The following ARHGEF7 variants were observed in gnomAD, a reference collection of about 807,000 sequenced individuals.
ARHGEF7 encodes the protein Rho guanine nucleotide exchange factor 7, also known as PAK-interacting exchange factor beta.
Under a neutral mutation model 109.8 loss-of-function variants are expected in ARHGEF7, and 33 were observed. That is an observed-to-expected ratio of 0.30 (90% confidence interval 0.23 to 0.40). ARHGEF7 has a LOEUF of 0.40. Among genes scored for constraint, ARHGEF7 ranks in the 10% least tolerant of loss-of-function variants. The pLI, the probability that ARHGEF7 is intolerant of heterozygous loss-of-function variation, is 1.00. For synonymous variants in ARHGEF7, 458 were observed against 424.6 expected (o/e 1.08, Z -0.97); for missense variants, 938 against 1,098.5 (o/e 0.85, Z 2.07).
At chr13:111,167,340 A>AAC (rs2077209474) in intron 2 of ARHGEF7, among the ~76,000 whole-genome samples, 1 of 152,166 alleles carries the variant, frequency 6.6e-6, no homozygotes, top group Admixed American at 6.5e-5. Flanking sequence ...TTAAAAGATA[A>AAC]ACAATACTTA....
At chr13:111,146,739 G>A (rs530466448) in intron 1 of ARHGEF7, among the ~76,000 whole-genome samples, 1 of 152,270 alleles carries the variant, frequency 6.6e-6, no homozygotes, top group South Asian at 2.1e-4. Flanking sequence ...TCTCTGCTTT[G>A]GTTGAGGGTG....
chr13:111,251,780 A>G (rs2089807023), intron 8 of ARHGEF7, among the ~76,000 whole-genome samples: 1 of 152,160 alleles, frequency 6.6e-6, no homozygotes, highest in Admixed American at 6.5e-5. Context: ...CTACTTTCAC[A>G]TACACTCATG....
At chr13:111,133,160 T>A (rs564723421) in intron 1 of ARHGEF7, among the ~76,000 whole-genome samples, 1 of 152,118 alleles carries the variant, frequency 6.6e-6, no homozygotes, top group Admixed American at 6.5e-5. Flanking sequence ...CACGTGTATA[T>A]ATGTGTATAT....
At chr13:111,160,328 A>G (rs1306728057) in intron 2 of ARHGEF7, among the ~76,000 whole-genome samples, 2 of 146,362 alleles carry the variant, frequency 1.4e-5, no homozygotes, top group Non-Finnish European at 3.0e-5. Flanking sequence ...TGCTTTAGTT[A>G]TTGGGGTTTT....
At chr13:111,130,864 G>A (rs2074709652) in intron 1 of ARHGEF7, among the ~76,000 whole-genome samples, 1 of 152,152 alleles carries the variant, frequency 6.6e-6, no homozygotes, top group South Asian at 2.1e-4. Flanking sequence ...GTAAGAGGAG[G>A]GGCATGCACC....
rs1322723415 is a variant in ARHGEF7, at chr13:111,243,946, G to A, written c.834G>A (p.Arg278=). The change falls in exon 7 of 22, where the codon CGG becomes CGA. Residue 278 remains arginine (R), a synonymous_variant. Transcript: ENST00000646102. The part of the protein sequence containing the change: ...ELQTVLSTYL[R]PLQTSEKLSS... The stretch of plus-strand genomic sequence containing the variant: ...AGACTGTGCTTTCAACGTACCTACG[G>A]CCATTGCAGACCAGTGAGAAGTAAG... 6.2e-7 allele frequency: 1 copy of A among 1,612,780 alleles called. No individual in the cohort carries two copies. The highest frequency in any genetic ancestry group is 8.5e-7 in the Non-Finnish European group (1 of 1,178,996).
intron 1 of ARHGEF7, among the ~76,000 whole-genome samples, chr13:111,130,991 G>A (rs1314282707): frequency 1.3e-5 from 2 of 152,254 alleles, no homozygotes; most frequent in Non-Finnish European, 2.9e-5. Context: ...GAGACAGGCA[G>A]AGCCAGGCAG....
intron 19 of ARHGEF7, chr13:111,294,355 A>T: frequency 1.0e-6 from 1 of 985,454 alleles, no homozygotes. Flanking sequence ...TGCCTGTGTC[A>T]TGGGCTGTGT....
intron 2 of ARHGEF7, 56 bp downstream of exon 2, chr13:111,154,047 G>A: frequency 6.6e-7 from 1 of 1,511,542 alleles, no homozygotes; most frequent in Non-Finnish European, 8.8e-7. Context: ...GGTTGGGCCC[G>A]GGGTGGGTGC....
At chr13:111,187,591 A>G (rs2079399250) in intron 2 of ARHGEF7, among the ~76,000 whole-genome samples, 2 of 152,224 alleles carry the variant, frequency 1.3e-5, no homozygotes, top group African/African-American at 2.4e-5. Context: ...GTATTTTCAT[A>G]ATGTACATTG....
chr13:111,293,255 C>G (rs983358486), intron 19 of ARHGEF7: 67 of 985,258 alleles, frequency 6.8e-5, no homozygotes, highest in Non-Finnish European at 7.6e-5. Flanking sequence ...CCCGGCTCCC[C>G]ACCCCTGACA....
intron 8 of ARHGEF7, among the ~76,000 whole-genome samples, chr13:111,248,847 A>T (rs575273927): frequency 1.1e-4 from 17 of 152,150 alleles, no homozygotes; most frequent in Non-Finnish European, 1.9e-4. Context: ...CGTCTTCATG[A>T]TTCTTTTTAT....
chr13:111,125,606 G>A (rs1244268545), intron 1 of ARHGEF7, among the ~76,000 whole-genome samples: 1 of 152,146 alleles, frequency 6.6e-6, no homozygotes. Flanking sequence ...TATTAGCAAC[G>A]CCTTTAAAGT....
At chr13:111,128,005 C>T (rs1454080215) in intron 1 of ARHGEF7, among the ~76,000 whole-genome samples, 1 of 152,118 alleles carries the variant, frequency 6.6e-6, no homozygotes, top group Non-Finnish European at 1.5e-5. Flanking sequence ...CAATCCAATC[C>T]AACGTAAACT....
chr13:111,266,402 T>C lies in ARHGEF7; in HGVS notation c.951-1146T>C, dbSNP rs530116619. On this transcript the variant is annotated intron_variant, in intron 8 of 21. Coordinates refer to ENST00000646102, the MANE Select transcript of ARHGEF7 (RefSeq NM_001354046.2). The surrounding 1 kb of genome is among the most constrained non-coding windows in gnomAD (Gnocchi z 4.8). ...TCGACGCTCGTGGACACCTTCGCTC[T>C]TGTGCCTTGCACTCTTTCTGTTTAG... Among the ~76,000 whole-genome samples, 1 of 152,326 alleles carries C rather than the reference T, an allele frequency of 6.6e-6. No homozygotes were observed. Among genetic ancestry groups the C allele is most frequent in the South Asian group, 2.1e-4 (1 of 4,822 alleles).
chr13:111,231,259 A>G (rs148332482), intron 5 of ARHGEF7, among the ~76,000 whole-genome samples: 2 of 152,360 alleles, frequency 1.3e-5, no homozygotes, highest in East Asian at 3.9e-4. Context: ...CTACAATTAA[A>G]TTCTTAGCTG....
chr13:111,265,048 G>C (rs191748615), intron 8 of ARHGEF7, among the ~76,000 whole-genome samples: 2 of 150,402 alleles, frequency 1.3e-5, no homozygotes, highest in Admixed American at 6.6e-5. Context: ...CGCTTGAACC[G>C]GGAAGGCGGA....
intron 18 of ARHGEF7, among the ~76,000 whole-genome samples, chr13:111,291,475 G>C (rs902418590): frequency 1.3e-5 from 2 of 152,252 alleles, no homozygotes; most frequent in South Asian, 4.1e-4. Context: ...GGAGCAGGGG[G>C]TGGGTTCTGG....
rs148146415 is a variant in ARHGEF7 at position 111,266,569 on chromosome 13, T to TGTC, written c.951-978_951-976dup. Among the ~76,000 whole-genome samples, 3,337 of 152,282 alleles carry TGTC rather than the reference T, an allele frequency of 0.022. 123 individuals are homozygous for TGTC. The highest frequency in any genetic ancestry group is 0.077 in the African/African-American group (3,182 of 41,526). On this transcript the variant is annotated intron_variant, in intron 8 of 21. Transcript: ENST00000646102. This position sits in a 1 kb window ranked among gnomAD's most constrained non-coding sequence, Gnocchi z 4.8. ...TCCCCTTTTTTTAGGCAAATGTATT[T>TGTC]GTCCTTTCATGCCTTCTTATAATTA...
Sources: gnomAD v4.1 joint callset for allele counts (sites outside exome capture counted in the v4.1 genomes callset) on GRCh38, gnomAD v4.1.1 for gene constraint, Gnocchi (gnomAD v3.1) non-coding constraint, MANE v1.5 for transcripts, NCBI Gene and HGNC (gene_info 2026-07-23, HGNC 2026-07-21) for gene names.